VAV3: variants seen among roughly 807,000 people sequenced by gnomAD.
The protein encoded by VAV3 is guanine nucleotide exchange factor VAV3.
Under a neutral mutation model 131.2 loss-of-function variants are expected in VAV3, and 94 were observed. The ratio of observed to expected loss-of-function variants is 0.72; its 90% CI spans 0.61 to 0.85. The LOEUF (loss-of-function observed/expected upper bound fraction) is 0.85. VAV3 is among the 40% of genes least tolerant of loss of function. The pLI is 0.00. For synonymous variants in VAV3, 349 were observed against 342.0 expected (o/e 1.02, Z -0.22); for missense variants, 939 against 1,002.7 (o/e 0.94, Z 0.86).
intron 2 of VAV3, among the ~76,000 whole-genome samples, chr1:107,844,326 G>A (rs1377351248): frequency 6.6e-6 from 1 of 152,200 alleles, no homozygotes; most frequent in African/African-American, 2.4e-5. Context: ...GCAACCCAAA[G>A]AACAGGAGAT....
chr1:107,664,676 T>C lies in VAV3; in HGVS notation c.1777+18812A>G, dbSNP rs112392568. 6.2e-4 allele frequency among the ~76,000 whole-genome samples: 95 copies of C among 152,124 alleles called. No individual in the cohort carries two copies. The East Asian group carries it at 0.015, about 24-fold the overall frequency. Reference sequence around the variant, plus strand: ...CAGTTATTAAGGAGCTTATGAAAGATTGCAGAAAGTAGATGTGCACCCAGA... The same window carrying C: ...CAGTTATTAAGGAGCTTATGAAAGACTGCAGAAAGTAGATGTGCACCCAGA... On this transcript the variant is annotated intron_variant, in intron 19 of 26. Coordinates refer to ENST00000370056, the MANE Select transcript of VAV3 (RefSeq NM_006113.5).
intron 2 of VAV3, among the ~76,000 whole-genome samples, chr1:107,850,746 T>TA (rs1484724968): frequency 2.0e-5 from 3 of 151,990 alleles, no homozygotes; most frequent in Non-Finnish European, 4.4e-5. Flanking sequence ...AAAGAAAAAA[T>TA]AAAGTTTTCT....
chr1:107,757,310 G>A lies in VAV3; in HGVS notation c.1037C>T (p.Thr346Ile). 1 of 1,613,284 alleles carries A rather than the reference G, an allele frequency of 6.2e-7. No homozygotes were observed. Among genetic ancestry groups the A allele is most frequent in the Non-Finnish European group, 8.5e-7 (1 of 1,179,732 alleles). The change falls in exon 11 of 27, where the codon ACT (threonine) becomes ATT (isoleucine). Residue 346 changes from threonine to isoleucine, a missense_variant. Transcript: ENST00000370056. ...LLLQELVKHT[T>I]DPTEKANLKL... ...CAGATTTGCCTTCTCAGTCGGATCA[G>A]TGGTATGTTTGACCAGTTCCTATTT...
At chr1:107,962,681 T>C (rs1325522565) in intron 1 of VAV3, among the ~76,000 whole-genome samples, 1 of 152,206 alleles carries the variant, frequency 6.6e-6, no homozygotes, top group Non-Finnish European at 1.5e-5. Flanking sequence ...GCTCAGGTAC[T>C]AGCCTTCTAG....
intron 2 of VAV3, among the ~76,000 whole-genome samples, chr1:107,798,389 CTGTT>C (rs34001682): frequency 0.1 from 15,274 of 151,956 alleles, 878 homozygotes; most frequent in Non-Finnish European, 0.13. Context: ...AGGCAGGTGG[CTGTT>C]TGTGCCTCCA....
chr1:107,591,293 G>T (rs543915379), intron 25 of VAV3, among the ~76,000 whole-genome samples: 2 of 152,222 alleles, frequency 1.3e-5, no homozygotes, highest in South Asian at 2.1e-4. Flanking sequence ...ATTATTGAAG[G>T]TGTTTGTTTT....
intron 21 of VAV3, among the ~76,000 whole-genome samples, chr1:107,613,386 T>C (rs145510004): frequency 1.6e-3 from 242 of 152,252 alleles, no homozygotes; most frequent in African/African-American, 5.6e-3. Flanking sequence ...TTTTCTGTTT[T>C]ATTTTTAACT....
At chr1:107,789,991 A>G (rs1216256211) in intron 2 of VAV3, among the ~76,000 whole-genome samples, 2 of 152,200 alleles carry the variant, frequency 1.3e-5, no homozygotes, top group African/African-American at 4.8e-5. Context: ...CCTTCAGAGC[A>G]CCCAGAACAC....
chr1:107,790,343 G>T (rs1280671538), intron 2 of VAV3, among the ~76,000 whole-genome samples: 2 of 152,206 alleles, frequency 1.3e-5, no homozygotes, highest in Non-Finnish European at 2.9e-5. Context: ...CCACATGCCA[G>T]GCCCAGCCCT....
At chr1:107,760,264 C>G (rs1265649073) in intron 10 of VAV3, among the ~76,000 whole-genome samples, 6 of 152,138 alleles carry the variant, frequency 3.9e-5, no homozygotes. Flanking sequence ...TCTCCACCCT[C>G]ATTTAGAAGA....
intron 1 of VAV3, among the ~76,000 whole-genome samples, chr1:107,941,081 T>G (rs901591813): frequency 6.6e-6 from 1 of 152,054 alleles, no homozygotes; most frequent in Non-Finnish European, 1.5e-5. Context: ...AAATCTGACT[T>G]TGCAAAGTGT....
intron 15 of VAV3, among the ~76,000 whole-genome samples, chr1:107,717,669 A>G (rs968949501): frequency 3.3e-5 from 5 of 152,170 alleles, no homozygotes; most frequent in African/African-American, 4.8e-5. Flanking sequence ...AATGTGGTCA[A>G]TTTTGGAATA....
intron 1 of VAV3, among the ~76,000 whole-genome samples, chr1:107,932,005 C>T (rs768566510): frequency 6.6e-5 from 10 of 152,132 alleles, no homozygotes; most frequent in Admixed American, 6.5e-4. Flanking sequence ...TTATGGCCAA[C>T]CAGCATAGCA....
At chr1:107,824,220 T>C (rs182971814) in intron 2 of VAV3, among the ~76,000 whole-genome samples, 61 of 152,240 alleles carry the variant, frequency 4.0e-4, no homozygotes, top group African/African-American at 1.4e-3. Context: ...CAGATTGGAA[T>C]AGACTGAAAA....
rs1210073527 is a variant in VAV3 at position 107,573,052 on chromosome 1, G to A, written c.*279C>T. On this transcript the variant is annotated 3_prime_UTR_variant, in exon 27 of 27. Transcript: ENST00000370056. ...GAAGCACGAACCAATGTGTTTGCAG[G>A]GCTCTTCTGGGAAGAACAGCTCTTG... 4.8e-6 allele frequency: 2 copies of A among 417,190 alleles called. No individual in the cohort carries two copies. The highest frequency in any genetic ancestry group is 2.0e-5 in the African/African-American group (1 of 48,790). 25.8% of individuals were successfully genotyped at this position (417,190 alleles called of 1,614,324 possible). A position where few individuals can be genotyped will look rare whatever the true frequency, so the allele number is the denominator to read the frequency against.
chr1:107,599,895 T>C (rs1172868684), intron 24 of VAV3, among the ~76,000 whole-genome samples: 1 of 134,818 alleles, frequency 7.4e-6, no homozygotes, highest in African/African-American at 2.7e-5. Context: ...TCCTTACTTA[T>C]AATAGACAAG....
chr1:107,738,559 C>T (rs1354730652), intron 15 of VAV3, among the ~76,000 whole-genome samples: 1 of 152,112 alleles, frequency 6.6e-6, no homozygotes, highest in Non-Finnish European at 1.5e-5. Context: ...TTGTCTACTG[C>T]CCCATAAAGA....
At chr1:107,937,122 C>A (rs1673761075) in intron 1 of VAV3, among the ~76,000 whole-genome samples, 1 of 152,148 alleles carries the variant, frequency 6.6e-6, no homozygotes. Flanking sequence ...ATCATTCACA[C>A]CATAATCCTG....
chr1:107,669,464 A>G, intron 19 of VAV3: 4 of 1,286,594 alleles, frequency 3.1e-6, no homozygotes, highest in Non-Finnish European at 4.0e-6. Context: ...TGAAGGAGAC[A>G]GGGCACATCT....
Sources: gnomAD v4.1 joint callset for allele counts (sites outside exome capture counted in the v4.1 genomes callset) on GRCh38, gnomAD v4.1.1 for gene constraint, MANE v1.5 for transcripts, NCBI Gene and HGNC (gene_info 2026-07-23, HGNC 2026-07-21) for gene names.